RASGRP1: variants seen among roughly 807,000 people sequenced by gnomAD.
RASGRP1 encodes RAS guanyl releasing protein 1, also known as RAS guanyl-releasing protein 1.
In RASGRP1, 37 loss-of-function variants were observed where a neutral mutation model predicts 95.1. That is an observed-to-expected ratio of 0.39 (90% CI 0.30 to 0.51). The LOEUF (loss-of-function observed/expected upper bound fraction) is 0.51, where lower values mean the gene tolerates loss of function less well. Among genes scored for constraint, RASGRP1 ranks in the 20% least tolerant of loss-of-function variants. RASGRP1 has a pLI of 0.80. For missense variants in RASGRP1, 711 were observed against 965.4 expected (o/e 0.74, Z 3.49); for synonymous variants, 325 against 353.4 (o/e 0.92, Z 0.90).
Position 38,511,848 on chromosome 15 carries a change from T to C in RASGRP1, c.850-128A>G, listed in dbSNP as rs560336446. Reference sequence around the variant, plus strand: ...CTGGTTAAAGACTAGTTACGAGGCATTGCAATTTCCTGTCCATGTCTCCCC... The same window carrying C: ...CTGGTTAAAGACTAGTTACGAGGCACTGCAATTTCCTGTCCATGTCTCCCC... On this transcript the variant is annotated intron_variant, in intron 7 of 16. Coordinates refer to ENST00000310803, the MANE Select transcript of RASGRP1 (RefSeq NM_005739.4). 59 of 648,950 alleles carry C rather than the reference T, an allele frequency of 9.1e-5. No individual in the cohort carries two copies. The East Asian group carries it at 1.4e-3, about 16-fold the overall frequency. The allele number at this position is 648,950 out of a possible 1,614,324, so 40.2% of individuals were successfully genotyped here.
chr15:38,519,402 T>C (rs1891912763), intron 3 of RASGRP1, 31 bp from the exon 4 acceptor site: 1 of 1,457,468 alleles, frequency 6.9e-7, no homozygotes, highest in Non-Finnish European at 9.5e-7. Flanking sequence ...AATGGAGACC[T>C]CTGTTACAGA....
intron 2 of RASGRP1, among the ~76,000 whole-genome samples, chr15:38,552,253 T>C (rs772753305): frequency 6.6e-6 from 1 of 152,312 alleles, no homozygotes; most frequent in East Asian, 1.9e-4. Flanking sequence ...CACAGAGAGG[T>C]TGTTTTATAA....
At chr15:38,506,571 G>A (rs1344698906) in intron 9 of RASGRP1, among the ~76,000 whole-genome samples, 1 of 144,960 alleles carries the variant, frequency 6.9e-6, no homozygotes, top group Non-Finnish European at 1.5e-5. Flanking sequence ...GAAGATAGAG[G>A]TTGCAGTGAG....
At chr15:38,514,026 C>A (rs1048223598) in intron 6 of RASGRP1, among the ~76,000 whole-genome samples, 15 of 152,250 alleles carry the variant, frequency 9.9e-5, no homozygotes, top group African/African-American at 3.6e-4. Flanking sequence ...TCCTGGGGAA[C>A]TCTGATCAGC....
rs750295293 is a variant in RASGRP1, at chr15:38,526,346, G to A, written c.279C>T (p.His93=). The part of the protein sequence containing the change: ...NQLLQVMLTM[H]RIVISSAELL... ...GTTCTGCAGAGGAGATGACAATTCGGTGCATGGTCAGCATGACTTGCAACA... is the reference window on the plus strand; with the variant it reads ...GTTCTGCAGAGGAGATGACAATTCGATGCATGGTCAGCATGACTTGCAACA... The change falls in exon 3 of 17, where the codon CAC becomes CAT. Residue 93 remains histidine, a synonymous_variant. Transcript: ENST00000310803. 8 of 1,613,318 alleles carry A rather than the reference G, an allele frequency of 5.0e-6. No homozygotes were observed. Among genetic ancestry groups the A allele is most frequent in the Non-Finnish European group, 5.9e-6 (7 of 1,179,438 alleles).
intron 2 of RASGRP1, among the ~76,000 whole-genome samples, chr15:38,544,231 G>A (rs917899275): frequency 6.6e-6 from 1 of 152,144 alleles, no homozygotes; most frequent in African/African-American, 2.4e-5. Flanking sequence ...CCCAGACCAT[G>A]AGACCTCCTT....
chr15:38,554,693 C>T (rs1009743734), intron 2 of RASGRP1, among the ~76,000 whole-genome samples: 1 of 152,212 alleles, frequency 6.6e-6, no homozygotes, highest in Non-Finnish European at 1.5e-5. Context: ...TAAATAGTGT[C>T]CAGTCTTATA....
intron 6 of RASGRP1, among the ~76,000 whole-genome samples, chr15:38,514,889 T>C (rs1055798422): frequency 1.3e-5 from 2 of 152,214 alleles, no homozygotes; most frequent in African/African-American, 4.8e-5. Flanking sequence ...TTTCAGTGGC[T>C]CAGCTCTGAC....
At chr15:38,516,486 G>A in intron 5 of RASGRP1, 136 bp from the exon 6 acceptor site, 1 of 1,105,074 alleles carries the variant, frequency 9.0e-7, no homozygotes, top group Non-Finnish European at 1.3e-6. Context: ...CCAAAACAGT[G>A]CATTCACAGA....
At chr15:38,564,527 C>G in intron 1 of RASGRP1, 67 bp downstream of exon 1, 1 of 1,284,168 alleles carries the variant, frequency 7.8e-7, no homozygotes, top group Non-Finnish European at 9.9e-7. Flanking sequence ...GTTGGGGCGA[C>G]GGGCAGGGGC....
intron 7 of RASGRP1, among the ~76,000 whole-genome samples, 189 bp downstream of exon 7, chr15:38,512,594 A>C (rs1891579442): frequency 6.6e-6 from 1 of 152,002 alleles, no homozygotes; most frequent in Admixed American, 6.6e-5. Flanking sequence ...TCCCCTCCAC[A>C]CTGTCCTTGT....
At chr15:38,526,183 C>G (rs1892212968) in intron 3 of RASGRP1, 116 bp downstream of exon 3, 2 of 785,658 alleles carry the variant, frequency 2.5e-6, no homozygotes, top group African/African-American at 1.7e-5. Context: ...ACATATGAAC[C>G]TATTTGCCAC....
chr15:38,557,483 C>T (rs1893611345), intron 2 of RASGRP1, among the ~76,000 whole-genome samples: 1 of 152,144 alleles, frequency 6.6e-6, no homozygotes, highest in Non-Finnish European at 1.5e-5. Flanking sequence ...CAAATGGTGG[C>T]TGTTCTCCTT....
chr15:38,549,336 G>A (rs925859924), intron 2 of RASGRP1, among the ~76,000 whole-genome samples: 1 of 152,206 alleles, frequency 6.6e-6, no homozygotes, highest in Non-Finnish European at 1.5e-5. Flanking sequence ...CAGATTTAAG[G>A]ATGTTCCATA....
At chr15:38,545,023 G>A (rs1261331963) in intron 2 of RASGRP1, among the ~76,000 whole-genome samples, 1 of 152,070 alleles carries the variant, frequency 6.6e-6, no homozygotes, top group Non-Finnish European at 1.5e-5. Flanking sequence ...TTTTTTTATG[G>A]GAAGTCCCAG....
intron 2 of RASGRP1, among the ~76,000 whole-genome samples, chr15:38,558,012 C>T (rs1040478240): frequency 5.3e-5 from 8 of 151,996 alleles, no homozygotes; most frequent in Admixed American, 1.3e-4. Context: ...TGAACTCGGC[C>T]GGCAGTTGCA....
At chr15:38,557,858 A>G in intron 2 of RASGRP1, among the ~76,000 whole-genome samples, 1 of 152,140 alleles carries the variant, frequency 6.6e-6, no homozygotes. Flanking sequence ...AACATATTCC[A>G]GAACACAATA....
chr15:38,550,249 A>AAC, intron 2 of RASGRP1, among the ~76,000 whole-genome samples: 1 of 151,578 alleles, frequency 6.6e-6, no homozygotes, highest in East Asian at 1.9e-4. Flanking sequence ...CGCCAAAAAA[A>AAC]AAAAAAAAAA....
chr15:38,537,952 T>C (rs909278398), intron 2 of RASGRP1, among the ~76,000 whole-genome samples: 3 of 152,146 alleles, frequency 2.0e-5, no homozygotes, highest in African/African-American at 7.2e-5. Flanking sequence ...TATTCAGTAG[T>C]CAAGAGCTGA....
Sources: allele counts gnomAD v4.1 joint callset (sites outside exome capture counted in the v4.1 genomes callset), GRCh38; gene constraint gnomAD v4.1.1; transcripts MANE v1.5; gene names NCBI Gene and HGNC (gene_info 2026-07-23, HGNC 2026-07-21).